HSP90AA1: variants seen among roughly 807,000 people sequenced by gnomAD.
The protein encoded by HSP90AA1 is heat shock protein 90 alpha family class A member 1, also known as heat shock protein HSP 90-alpha.
In HSP90AA1, 18 loss-of-function variants were observed where a neutral mutation model predicts 73.3. The ratio of observed to expected loss-of-function variants is 0.25; its 90% confidence interval spans 0.17 to 0.36. HSP90AA1 has a LOEUF of 0.36. Among genes scored for constraint, HSP90AA1 ranks in the 10% least tolerant of loss-of-function variants. The probability of loss-of-function intolerance (pLI) is 1.00; values close to 1 mark genes in which losing one functional copy is unlikely to be tolerated. For missense variants in HSP90AA1, 704 were observed against 874.2 expected, an observed-to-expected ratio of 0.81 and a Z score of 2.45; for synonymous variants, 477 against 296.9, an observed-to-expected ratio of 1.61 and a Z score of -6.24.
At chr14:102,119,082 T>G (rs1322752200) in intron 1 of HSP90AA1, among the ~76,000 whole-genome samples, 6 of 152,050 alleles carry the variant, frequency 3.9e-5, no homozygotes, top group Non-Finnish European at 8.8e-5. Flanking sequence ...TTCAAACTCC[T>G]GAGCTCAAGC....
intron 1 of HSP90AA1, among the ~76,000 whole-genome samples, chr14:102,132,223 T>C (rs996558403): frequency 6.6e-6 from 1 of 152,080 alleles, no homozygotes; most frequent in Non-Finnish European, 1.5e-5. Context: ...AAAAATTAGC[T>C]GGGCGTGGTG....
At chr14:102,132,268 G>A (rs2049916150) in intron 1 of HSP90AA1, among the ~76,000 whole-genome samples, 1 of 152,200 alleles carries the variant, frequency 6.6e-6, no homozygotes. Context: ...TCAGGAGGCT[G>A]AGGTAGGAGA....
upstream of HSP90AA1, among the ~76,000 whole-genome samples, chr14:102,089,379 C>A (rs1242177991): frequency 6.6e-6 from 1 of 152,170 alleles, no homozygotes; most frequent in Non-Finnish European, 1.5e-5. Flanking sequence ...TCCACAACTT[C>A]TTGTCTTTCC....
intron 1 of HSP90AA1, among the ~76,000 whole-genome samples, chr14:102,114,335 C>T (rs1282488822): frequency 6.6e-6 from 1 of 152,120 alleles, no homozygotes; most frequent in Non-Finnish European, 1.5e-5. Flanking sequence ...CGTTTAGAGG[C>T]TTTTCTCAGA....
At chr14:102,084,622 G>C (rs1446619500) in intron 5 of HSP90AA1, 58 bp from the exon 6 acceptor site, 15 of 1,613,934 alleles carry the variant, frequency 9.3e-6, no homozygotes, top group Non-Finnish European at 1.1e-5. Flanking sequence ...AAGATATTTG[G>C]GGTGGTGGAG....
intron 1 of HSP90AA1, among the ~76,000 whole-genome samples, chr14:102,128,261 G>A (rs1308197532): frequency 6.6e-6 from 1 of 152,158 alleles, no homozygotes; most frequent in Non-Finnish European, 1.5e-5. Context: ...GGAGGCCGAG[G>A]TGGGTGGATC....
intron 1 of HSP90AA1, among the ~76,000 whole-genome samples, chr14:102,138,079 T>A: frequency 6.6e-6 from 1 of 152,132 alleles, no homozygotes; most frequent in South Asian, 2.1e-4. Flanking sequence ...TTACTGTGAT[T>A]ATAATAAAAT....
upstream of HSP90AA1, among the ~76,000 whole-genome samples, chr14:102,090,708 C>T (rs996450497): frequency 2.0e-5 from 3 of 152,216 alleles, no homozygotes; most frequent in South Asian, 4.1e-4. Flanking sequence ...GCCTTGGCCT[C>T]CCAAAGTGCT....
At position 102,083,778 on chromosome 14, in the gene HSP90AA1, GTTA is replaced by G; in HGVS notation, c.1338+12_1338+14del. 1.2e-6 allele frequency: 2 copies of G among 1,601,536 alleles called. No homozygotes were observed. Among genetic ancestry groups the G allele is most frequent in the East Asian group, 2.2e-5 (1 of 44,772 alleles). On this transcript the variant is annotated intron_variant, in intron 7 of 10. Coordinates refer to ENST00000216281, the MANE Select transcript of HSP90AA1 (RefSeq NM_005348.4). Reference sequence around the variant, plus strand: ...AAAGAGGCCAATTGGAAAACTAATGGTTATTTACACCAACCTTTATGTTTTTAG... The same window carrying G: ...AAAGAGGCCAATTGGAAAACTAATGGTTTACACCAACCTTTATGTTTTTAG...
chr14:102,094,526 A>C (rs1366494095), intron 2 of HSP90AA1, among the ~76,000 whole-genome samples: 1 of 151,830 alleles, frequency 6.6e-6, no homozygotes, highest in Non-Finnish European at 1.5e-5. Flanking sequence ...GTGGGGAGGG[A>C]GTGTGGGGAA....
chr14:102,129,679 T>A (rs2049883636), intron 1 of HSP90AA1, among the ~76,000 whole-genome samples: 1 of 151,866 alleles, frequency 6.6e-6, no homozygotes. Context: ...ATTTTTGTAT[T>A]TTTTTAGTAG....
intron 1 of HSP90AA1, among the ~76,000 whole-genome samples, chr14:102,117,487 C>A (rs772361459): frequency 6.6e-6 from 1 of 152,150 alleles, no homozygotes; most frequent in Non-Finnish European, 1.5e-5. Context: ...CTACCCTCCA[C>A]GCTAGGAGCT....
chr14:102,135,697 C>T (rs1001118550), intron 1 of HSP90AA1, among the ~76,000 whole-genome samples: 6 of 152,284 alleles, frequency 3.9e-5, no homozygotes, highest in Non-Finnish European at 7.3e-5. Context: ...TCGAGCACAG[C>T]GCCGGTGGGC....
intron 2 of HSP90AA1, among the ~76,000 whole-genome samples, chr14:102,095,212 C>T (rs1472389791): frequency 1.2e-4 from 19 of 152,146 alleles, no homozygotes; most frequent in Non-Finnish European, 5.9e-5. Context: ...GGCACAAAGA[C>T]GGTTCCCAGG....
Position 102,083,588 on chromosome 14 carries a change from T to A in HSP90AA1, c.1444A>T (p.Thr482Ser). The part of the protein sequence containing the change: ...DEMVSLKDYC[T>S]RMKENQKHIY... ...TGTTTCTGGTTCTCCTTCATTCTGG[T>A]GCAGTAGTCCTTGAGAGAAACCATC... Residue 482 changes from threonine to serine, a missense_variant, in exon 8 of 11, where the codon ACC (threonine) becomes TCC (serine). Physicochemically the swap from Thr to Ser is moderately conservative, Grantham distance 58. Coordinates refer to ENST00000216281, the MANE Select transcript of HSP90AA1 (RefSeq NM_005348.4). 1 of 1,613,878 alleles carries A rather than the reference T, an allele frequency of 6.2e-7. No homozygotes were observed. Among genetic ancestry groups the A allele is most frequent in the South Asian group, 1.1e-5 (1 of 91,082 alleles).
rs34644998 is a variant in HSP90AA1, at chr14:102,082,366, T to G, written c.1834A>C (p.Arg612=). Residue 612 remains arginine (R), a synonymous_variant, in exon 10 of 11, where the codon AGA becomes CGA. Coordinates refer to ENST00000216281, the MANE Select transcript of HSP90AA1 (RefSeq NM_005348.4). ...CTTAGGGCTTGAGCTTTCATGATTC[T>G]CTCCATGTTTGCTGTCCAGCCATAT... is the stretch of plus-strand genomic sequence containing the variant. ...STYGWTANME[R]IMKAQALRDN... is the part of the protein sequence containing the mutation. 0.018 allele frequency: 28,805 copies of G among 1,613,970 alleles called. 357 individuals are homozygous for G. Among genetic ancestry groups the G allele is most frequent in the Middle Eastern group, 0.023 (140 of 6,052 alleles).
chr14:102,099,121 T>C (rs2049462020), intron 2 of HSP90AA1, among the ~76,000 whole-genome samples: 1 of 152,252 alleles, frequency 6.6e-6, no homozygotes, highest in Admixed American at 6.5e-5. Context: ...AAGTTCATAC[T>C]TCGAGTGGCT....
In HSP90AA1 at chr14:102,081,637, G is replaced by C; in HGVS notation, c.*75C>G. ...ACTTTTTAATATTAACAAAAATAAA[G>C]AAAAACATCCTTGAAAATATATTAT... On this transcript the variant is annotated 3_prime_UTR_variant, in exon 11 of 11. Transcript: ENST00000216281. 3.7e-6 allele frequency: 3 copies of C among 804,264 alleles called. No individual in the cohort carries two copies. Among genetic ancestry groups the C allele is most frequent in the East Asian group, 2.4e-5 (1 of 41,240 alleles). The allele number at this position is 804,264 out of a possible 1,614,324, so 49.8% of individuals were successfully genotyped here.
chr14:102,110,359 A>G (rs1226517045), intron 1 of HSP90AA1, among the ~76,000 whole-genome samples: 2 of 152,276 alleles, frequency 1.3e-5, no homozygotes, highest in African/African-American at 2.4e-5. Context: ...TCTAAGCCAC[A>G]AAGCATTCAA....
Sources: gnomAD v4.1 joint callset for allele counts (sites outside exome capture counted in the v4.1 genomes callset) on GRCh38, gnomAD v4.1.1 for gene constraint, MANE v1.5 for transcripts, NCBI Gene and HGNC (gene_info 2026-07-23, HGNC 2026-07-21) for gene names.